Variants in VAV3 observed in about 807,000 individuals in gnomAD.
The protein encoded by VAV3 is guanine nucleotide exchange factor VAV3.
In VAV3, 94 loss-of-function variants were observed where a neutral mutation model predicts 131.2. That is an observed-to-expected ratio of 0.72 (90% CI 0.61 to 0.85). VAV3 has a LOEUF of 0.85. Ranked by LOEUF, VAV3 falls within the 40% of genes least tolerant of loss-of-function variation. The pLI, the probability that VAV3 is intolerant of heterozygous loss-of-function variation, is 0.00. For synonymous variants in VAV3, 349 were observed against 342.0 expected (o/e 1.02, Z -0.22); for missense variants, 939 against 1,002.7 (o/e 0.94, Z 0.86).
At chr1:107,762,402 T>C (rs1472329119) in intron 9 of VAV3, among the ~76,000 whole-genome samples, 2 of 152,216 alleles carry the variant, frequency 1.3e-5, no homozygotes, top group African/African-American at 4.8e-5. Flanking sequence ...TCAGTCAAAA[T>C]GAATTGGGGA....
At chr1:107,643,095 T>C (rs4550085) in intron 19 of VAV3, among the ~76,000 whole-genome samples, 22,843 of 152,160 alleles carry the variant, frequency 0.15, 1,708 homozygotes, top group East Asian at 0.19. Flanking sequence ...AATTTTTTCA[T>C]CAACTCTATC....
intron 15 of VAV3, among the ~76,000 whole-genome samples, chr1:107,722,493 C>G (rs569827843): frequency 6.6e-6 from 1 of 152,248 alleles, no homozygotes; most frequent in South Asian, 2.1e-4. Flanking sequence ...CAGTGAGTCT[C>G]AAGAAAGAAA....
At chr1:107,623,033 A>C (rs1653724424) in intron 20 of VAV3, among the ~76,000 whole-genome samples, 1 of 152,212 alleles carries the variant, frequency 6.6e-6, no homozygotes, top group South Asian at 2.1e-4. Flanking sequence ...GTCAGAAACT[A>C]GCCTTTGGTA....
chr1:107,911,430 TA>T (rs1672362529), intron 1 of VAV3, among the ~76,000 whole-genome samples: 1 of 152,132 alleles, frequency 6.6e-6, no homozygotes, highest in South Asian at 2.1e-4. Context: ...CCTAATAGAA[TA>T]AAAATGCTGT....
chr1:107,723,184 C>T (rs137931130), intron 15 of VAV3, among the ~76,000 whole-genome samples: 65 of 152,206 alleles, frequency 4.3e-4, no homozygotes, highest in African/African-American at 1.5e-3. Flanking sequence ...TGCTGTAGAA[C>T]AAATTTATCC....
intron 2 of VAV3, among the ~76,000 whole-genome samples, chr1:107,858,646 T>C (rs752765241): frequency 2.6e-5 from 4 of 152,318 alleles, no homozygotes; most frequent in Non-Finnish European, 4.4e-5. Context: ...AAGAATCTAA[T>C]GTCTGATGAT....
At chr1:107,800,900 CTT>C (rs1434465146) in intron 2 of VAV3, among the ~76,000 whole-genome samples, 3 of 152,118 alleles carry the variant, frequency 2.0e-5, no homozygotes, top group Admixed American at 6.6e-5. Flanking sequence ...TTTGCCCAGA[CTT>C]ATGTTCTGGA....
At chr1:107,674,429 T>A (rs1410559451) in intron 19 of VAV3, among the ~76,000 whole-genome samples, 2 of 152,138 alleles carry the variant, frequency 1.3e-5, no homozygotes, top group African/African-American at 4.8e-5. Context: ...ATGCATAAAA[T>A]AAAATCACCC....
intron 2 of VAV3, among the ~76,000 whole-genome samples, chr1:107,839,026 T>G (rs1448568216): frequency 6.6e-6 from 1 of 152,144 alleles, no homozygotes; most frequent in Non-Finnish European, 1.5e-5. Context: ...CAGATTCCTT[T>G]GTACTCTAAA....
intron 15 of VAV3, among the ~76,000 whole-genome samples, chr1:107,733,705 GAAAC>G (rs1662405241): frequency 1.3e-5 from 2 of 152,108 alleles, no homozygotes; most frequent in South Asian, 2.1e-4. Context: ...AAAGTAAAAA[GAAAC>G]AAACAAAGCC....
At chr1:107,777,200 G>A (rs1235685498) in intron 4 of VAV3, 31 bp downstream of exon 4, 1 of 1,597,272 alleles carries the variant, frequency 6.3e-7, no homozygotes, top group Admixed American at 1.7e-5. Context: ...AATTGGCAGT[G>A]GCTAAATTTT....
At chr1:107,694,095 A>G (rs1482707627) in intron 17 of VAV3, among the ~76,000 whole-genome samples, 2 of 152,208 alleles carry the variant, frequency 1.3e-5, no homozygotes, top group African/African-American at 4.8e-5. Context: ...ATAAACTTTT[A>G]TATCTTAAAG....
At chr1:107,925,094 T>C (rs748517222) in intron 1 of VAV3, among the ~76,000 whole-genome samples, 32 of 152,130 alleles carry the variant, frequency 2.1e-4, no homozygotes, top group Non-Finnish European at 4.1e-4. Flanking sequence ...CAAAACATGA[T>C]ATTGAACACA....
At chr1:107,755,057 T>C (rs1467636005) in intron 12 of VAV3, among the ~76,000 whole-genome samples, 29 of 151,912 alleles carry the variant, frequency 1.9e-4, no homozygotes, top group Admixed American at 1.9e-3. Context: ...CCAAGCAAAG[T>C]GTCTGGGTCA....
chr1:107,802,544 TATCATAAAGTGATGTTAAATTTTATCAAA>T (rs1666875116), intron 2 of VAV3, among the ~76,000 whole-genome samples: 1 of 152,322 alleles, frequency 6.6e-6, no homozygotes, highest in Admixed American at 6.5e-5. Context: ...TGAGGATTTT[TATCATAAAGTGATGTTAAATTTTATCAAA>T]CGTTTTTTCA....
chr1:107,925,765 T>C (rs1673119410), intron 1 of VAV3, among the ~76,000 whole-genome samples: 1 of 152,086 alleles, frequency 6.6e-6, no homozygotes, highest in African/African-American at 2.4e-5. Context: ...GTGGTGATGA[T>C]TGCACAACAA....
At chr1:107,859,006 T>C (rs71655935) in intron 2 of VAV3, among the ~76,000 whole-genome samples, 1 of 152,154 alleles carries the variant, frequency 6.6e-6, no homozygotes, top group Non-Finnish European at 1.5e-5. Context: ...TTTGTTGTTG[T>C]TTAGCCAGAT....
chr1:107,664,905 G>T (rs142018685), intron 19 of VAV3, among the ~76,000 whole-genome samples: 1 of 152,362 alleles, frequency 6.6e-6, no homozygotes, highest in Non-Finnish European at 1.5e-5. Flanking sequence ...AGAAACAAGA[G>T]CATGACCCAA....
chr1:107,810,198 G>T (rs1335061821), intron 2 of VAV3, among the ~76,000 whole-genome samples: 2 of 152,122 alleles, frequency 1.3e-5, no homozygotes, highest in Non-Finnish European at 2.9e-5. Context: ...CCTTGCCTTT[G>T]GGGGCTGGGA....
Sources: allele counts gnomAD v4.1 joint callset (sites outside exome capture counted in the v4.1 genomes callset), GRCh38; gene constraint gnomAD v4.1.1; transcripts MANE v1.5; gene names NCBI Gene and HGNC (gene_info 2026-07-23, HGNC 2026-07-21).